Variants in SLC25A3 observed in about 807,000 individuals in gnomAD.
The protein encoded by SLC25A3 is solute carrier family 25 member 3.
SLC25A3 carries 14 observed loss-of-function variants against 37.1 expected under a neutral mutation model. That is an observed-to-expected ratio of 0.38 (90% CI 0.25 to 0.59). SLC25A3 has a LOEUF of 0.59. Ranked by LOEUF, SLC25A3 falls within the 20% of genes least tolerant of loss-of-function variation. The probability of loss-of-function intolerance (pLI) is 0.67; values close to 1 mark genes in which losing one functional copy is unlikely to be tolerated. For missense variants in SLC25A3, 385 were observed against 458.1 expected, an observed-to-expected ratio of 0.84 and a Z score of 1.46; for synonymous variants, 161 against 168.7, an observed-to-expected ratio of 0.95 and a Z score of 0.36.
At position 98,602,746 on chromosome 12, in the gene SLC25A3, T is replaced by C. The variant is rs575678145; in HGVS notation, c.*1218T>C. On this transcript the variant is annotated 3_prime_UTR_variant, in exon 8 of 8. Transcript: ENST00000552981. ...AAAACGAAAAACCTAGTGTAATATA[T>C]AACATGCTGTTTTTCAAACACTAGA... is the stretch of plus-strand genomic sequence containing the variant. 3 of 152,326 alleles carry C rather than the reference T, an allele frequency of 2.0e-5. No homozygotes were observed. The highest frequency in any genetic ancestry group is 4.4e-5 in the Non-Finnish European group (3 of 68,032). The allele number at this position is 152,326 out of a possible 1,614,324, so 9.4% of individuals were successfully genotyped here.
At chr12:98,593,954 C>G (rs375070289) in intron 1 of SLC25A3, 21 bp from the exon 2 acceptor site, 10 of 1,613,706 alleles carry the variant, frequency 6.2e-6, no homozygotes, top group South Asian at 1.1e-5. Flanking sequence ...GTCCTCTAAC[C>G]GTCGCTCCCT....
chr12:98,595,626 T>C, intron 2 of SLC25A3, 101 bp from the exon 3 acceptor site: 1 of 1,612,176 alleles, frequency 6.2e-7, no homozygotes, highest in Non-Finnish European at 8.5e-7. Flanking sequence ...GATATAGTCA[T>C]CTAACAAGCT....
Position 98,604,263 on chromosome 12 carries a change from A to AAAAAAATAT in SLC25A3, c.*2736_*2737insAAAAATATA, listed in dbSNP as rs1302964992. 14 of 134,576 alleles carry AAAAAAATAT rather than the reference A, an allele frequency of 1.0e-4. No homozygotes were observed. Among genetic ancestry groups the AAAAAAATAT allele is most frequent in the African/African-American group, 4.0e-4 (14 of 34,888 alleles). 8.3% of individuals were successfully genotyped at this position (134,576 alleles called of 1,614,324 possible). ...GCGAAACTCTGTCTCAAAAAAAAAA[A>AAAAAAATAT]ATATATATATATATATATATATATG... On this transcript the variant is annotated 3_prime_UTR_variant, in exon 8 of 8. Coordinates refer to ENST00000552981, the MANE Select transcript of SLC25A3 (RefSeq NM_002635.4).
Position 98,604,835 on chromosome 12 carries a change from C to A in SLC25A3, c.*3307C>A. ...GGAGTGCAGTGGCACGATGATAGCT[C>A]ACTGCAGCCTCGATCTCCCAAGCTC... On this transcript the variant is annotated 3_prime_UTR_variant, in exon 8 of 8. Transcript: ENST00000552981. The A allele has an allele frequency of 6.5e-6, 1 of 152,780 alleles. No individual in the cohort carries two copies. The highest frequency in any genetic ancestry group is 2.0e-4 in the South Asian group (1 of 4,980). 9.5% of individuals were successfully genotyped at this position (152,780 alleles called of 1,614,324 possible). A position where few individuals can be genotyped will look rare whatever the true frequency, so the allele number is the denominator to read the frequency against.
Position 98,595,824 on chromosome 12 carries a change from G to A in SLC25A3, c.255G>A (p.Leu85=). The A allele has an allele frequency of 6.2e-7, 1 of 1,614,122 alleles. No homozygotes were observed. The highest frequency in any genetic ancestry group is 1.1e-5 in the South Asian group (1 of 91,084). The change falls in exon 3 of 8, where the codon CTG becomes CTA. Residue 85 remains leucine, a synonymous_variant. Transcript: ENST00000552981. ...TGACACACACTGCTGTGGTTCCCCT[G>A]GATTTAGTGAAATGCCGTATGCAGG... The part of the protein sequence containing the change: ...CGLTHTAVVP[L]DLVKCRMQVD...
intron 5 of SLC25A3, among the ~76,000 whole-genome samples, chr12:98,599,413 T>A (rs768942089): frequency 6.6e-6 from 1 of 152,214 alleles, no homozygotes; most frequent in African/African-American, 2.4e-5. Context: ...TTATAACATT[T>A]AATGTCTATT....
chr12:98,600,705 C>G (rs1420919572), intron 6 of SLC25A3, among the ~76,000 whole-genome samples: 2 of 152,160 alleles, frequency 1.3e-5, no homozygotes, highest in Non-Finnish European at 2.9e-5. Context: ...AGCCACCGCG[C>G]CTGGCCTGAT....
At chr12:98,593,802 G>C in intron 1 of SLC25A3, 62 bp downstream of exon 1, 2 of 677,808 alleles carry the variant, frequency 3.0e-6, no homozygotes, top group Non-Finnish European at 5.1e-6. Flanking sequence ...AGCTCCTGTG[G>C]GGCCGCTGCT....
rs779911174 is a variant in SLC25A3 at position 98,598,652 on chromosome 12, A to G, written c.590A>G (p.Asn197Ser). 3 of 1,614,200 alleles carry G rather than the reference A, an allele frequency of 1.9e-6. No individual in the cohort carries two copies. Among genetic ancestry groups the G allele is most frequent in the South Asian group, 1.1e-5 (1 of 91,086 alleles). The change falls in exon 5 of 8, where the codon AAC becomes AGC. Residue 197 changes from asparagine to serine, a missense_variant. Around this residue, in one of 2 missense-constraint regions of SLC25A3, gnomAD observed 276 missense variants for 367.6 expected, o/e 0.75. Coordinates refer to ENST00000552981, the MANE Select transcript of SLC25A3 (RefSeq NM_002635.4). ...ATTCAAACCCAGCCAGGTTATGCCAACACTTTGAGGGATGCAGCTCCCAAA... is the reference window on the plus strand; with the variant it reads ...ATTCAAACCCAGCCAGGTTATGCCAGCACTTTGAGGGATGCAGCTCCCAAA... ...VRIQTQPGYA[N>S]TLRDAAPKMY...
In SLC25A3 at chr12:98,606,364, C is replaced by A. The variant is rs991320866; in HGVS notation, c.*4836C>A. ...AAAAAATTAAACATAAATAAAAGTT[C>A]AAACTATGTGTTGAATCATTTGTCT... On this transcript the variant is annotated 3_prime_UTR_variant, in exon 8 of 8. Transcript: ENST00000552981. 1 of 152,152 alleles carries A rather than the reference C, an allele frequency of 6.6e-6. No homozygotes were observed. The highest frequency in any genetic ancestry group is 1.5e-5 in the Non-Finnish European group (1 of 68,024). The allele number at this position is 152,152 out of a possible 1,614,324, so 9.4% of individuals were successfully genotyped here.
At chr12:98,600,433 A>G (rs1445167154) in intron 6 of SLC25A3, among the ~76,000 whole-genome samples, 1 of 149,126 alleles carries the variant, frequency 6.7e-6, no homozygotes, top group Admixed American at 6.7e-5. Flanking sequence ...TTTTTTTGAG[A>G]TGGAGTTTTA....
At position 98,601,538 on chromosome 12, in the gene SLC25A3, A is replaced by T. The variant is rs1183123158; in HGVS notation, c.*10A>T. The T allele has an allele frequency of 2.6e-6, 4 of 1,554,110 alleles. No homozygotes were observed. Reference sequence around the variant, plus strand: ...TGGGTTAACTCAGTAGTTAGATCAAAGCAAATGTGGACTGAATCTGCTTGT... The same window carrying T: ...TGGGTTAACTCAGTAGTTAGATCAATGCAAATGTGGACTGAATCTGCTTGT... On this transcript the variant is annotated 3_prime_UTR_variant, in exon 8 of 8. Transcript: ENST00000552981.
intron 3 of SLC25A3, 36 bp downstream of exon 3, chr12:98,595,884 C>T (rs1380292751): frequency 3.8e-6 from 6 of 1,560,162 alleles, no homozygotes; most frequent in Non-Finnish European, 5.3e-6. Context: ...AAGTATCTCT[C>T]ATGTGACTTA....
rs896936901 is a variant in SLC25A3, at chr12:98,606,327, C to G, written c.*4799C>G. The G allele has an allele frequency of 6.6e-6, 1 of 152,174 alleles. No individual in the cohort carries two copies. The highest frequency in any genetic ancestry group is 1.5e-5 in the Non-Finnish European group (1 of 68,036). 9.4% of individuals were successfully genotyped at this position (152,174 alleles called of 1,614,324 possible). On this transcript the variant is annotated 3_prime_UTR_variant, in exon 8 of 8. Coordinates refer to ENST00000552981, the MANE Select transcript of SLC25A3 (RefSeq NM_002635.4). Reference sequence around the variant, plus strand: ...TTAATAAGCCAGCTACTATCGGCATCTTGTAAAAATTAAAAAATTAAACAT... The same window carrying G: ...TTAATAAGCCAGCTACTATCGGCATGTTGTAAAAATTAAAAAATTAAACAT...
rs2153285820 is a variant in SLC25A3, at chr12:98,598,623, T to A, written c.561T>A (p.Val187=). The A allele has an allele frequency of 6.2e-7, 1 of 1,614,172 alleles. No individual in the cohort carries two copies. The highest frequency in any genetic ancestry group is 1.1e-5 in the South Asian group (1 of 91,080). ...TGGCTCCTATGGAAGCTGCTAAGGT[T>A]CGAATTCAAACCCAGCCAGGTTATG... ...IALAPMEAAK[V]RIQTQPGYAN... The change falls in exon 5 of 8, where the codon GTT becomes GTA. Residue 187 remains valine (V), a synonymous_variant. Coordinates refer to ENST00000552981, the MANE Select transcript of SLC25A3 (RefSeq NM_002635.4).
At chr12:98,599,591 AG>A (rs754526456) in intron 5 of SLC25A3, 28 of 500,806 alleles carry the variant, frequency 5.6e-5, no homozygotes, top group Non-Finnish European at 9.8e-5. Flanking sequence ...AGGGCTTGTT[AG>A]TATCCTTGTG....
At chr12:98,594,610 C>T in intron 2 of SLC25A3, 2 of 516,896 alleles carry the variant, frequency 3.9e-6, no homozygotes, top group Non-Finnish European at 7.0e-6. Context: ...TATGAGATAA[C>T]TAGATGTCCT....
At chr12:98,595,548 C>T (rs1018269132) in intron 2 of SLC25A3, 179 bp from the exon 3 acceptor site, 1 of 1,614,148 alleles carries the variant, frequency 6.2e-7, no homozygotes, top group Non-Finnish European at 8.5e-7. Flanking sequence ...TGGTTAAATG[C>T]AGAATGCAGG....
chr12:98,596,555 C>T (rs1435549208), intron 3 of SLC25A3, among the ~76,000 whole-genome samples: 1 of 151,602 alleles, frequency 6.6e-6, no homozygotes. Flanking sequence ...TTTGCTAAAA[C>T]GTGTTATGCA....
Sources: gnomAD v4.1 joint callset for allele counts (sites outside exome capture counted in the v4.1 genomes callset) on GRCh38, gnomAD v4.1.1 for gene constraint, gnomAD v4.1.1 regional missense constraint, MANE v1.5 for transcripts, NCBI Gene and HGNC (gene_info 2026-07-23, HGNC 2026-07-21) for gene names.